ING5: variants seen among roughly 807,000 people sequenced by gnomAD.
The protein encoded by ING5 is inhibitor of growth protein 5.
ING5 carries 17 observed loss-of-function variants against 37.4 expected under a neutral mutation model. The observed-to-expected ratio is 0.45, with a 90% CI of 0.31 to 0.68. The LOEUF is 0.68. Ranked by LOEUF, ING5 falls within the 30% of genes least tolerant of loss-of-function variation. The pLI, the probability that ING5 is intolerant of heterozygous loss-of-function variation, is 0.05. For missense variants in ING5, 233 were observed against 311.9 expected, an observed-to-expected ratio of 0.75 and a Z score of 1.91; for synonymous variants, 123 against 116.6, an observed-to-expected ratio of 1.06 and a Z score of -0.36.
intron 7 of ING5, 50 bp from the exon 8 acceptor site, chr2:241,724,939 G>T (rs200911729): frequency 2.5e-6 from 4 of 1,595,038 alleles, no homozygotes; most frequent in East Asian, 2.2e-5. Context: ...GGCACCCTGC[G>T]CGCTGGCGGA....
rs1477352167 is a variant in ING5, at chr2:241,711,466, C to G, written c.366C>G (p.Ser122Arg). The change falls in exon 4 of 8, where the codon AGC becomes AGG. Residue 122 changes from serine to arginine, a missense_variant. This residue lies in a region of ING5 where 76 missense variants were observed against 68.2 expected (regional missense o/e 1.11). Coordinates refer to ENST00000313552, the MANE Select transcript of ING5 (RefSeq NM_032329.6). ...AGATGGAGGGCAGTGATTTTGAAAG[C>G]TCCGGAGGGCGAGGGTTAAAAAGCA... Reference protein sequence around the residue: ...KDKMEGSDFESSGGRGLKKGR... With the variant: ...KDKMEGSDFERSGGRGLKKGR... 3 of 1,605,770 alleles carry G rather than the reference C, an allele frequency of 1.9e-6. No homozygotes were observed. Among genetic ancestry groups the G allele is most frequent in the Non-Finnish European group, 2.5e-6 (3 of 1,176,944 alleles).
chr2:241,701,120 A>ATTTT (rs529886209), upstream of ING5, among the ~76,000 whole-genome samples: 724 of 136,474 alleles, frequency 5.3e-3, 5 homozygotes, highest in African/African-American at 0.018. Context: ...CGCTTGGCTA[A>ATTTT]TTTTTTTTTT....
chr2:241,720,455 A>G, intron 5 of ING5: 1 of 1,044,168 alleles, frequency 9.6e-7, no homozygotes, highest in Non-Finnish European at 1.2e-6. Context: ...GACTGCACAG[A>G]TGCTCCGTGT....
intron 2 of ING5, chr2:241,708,938 G>A (rs2124903814): frequency 3.4e-6 from 1 of 294,136 alleles, no homozygotes; most frequent in Admixed American, 5.1e-5. Flanking sequence ...CATACAGGAT[G>A]TTTGAGAGTC....
At chr2:241,724,391 G>A (rs1388768686) in intron 7 of ING5, among the ~76,000 whole-genome samples, 1 of 152,256 alleles carries the variant, frequency 6.6e-6, no homozygotes, top group African/African-American at 2.4e-5. Context: ...GAGGGCCCTG[G>A]GCAGGCTTGG....
chr2:241,718,906 T>C (rs879334999), intron 5 of ING5, among the ~76,000 whole-genome samples: 3 of 152,202 alleles, frequency 2.0e-5, no homozygotes, highest in Non-Finnish European at 4.4e-5. Flanking sequence ...ATCAGTCCTA[T>C]TTCCCTGCTG....
At chr2:241,697,807 G>A (rs2069652627), upstream of ING5, among the ~76,000 whole-genome samples, 2 of 152,150 alleles carry the variant, frequency 1.3e-5, no homozygotes, top group South Asian at 2.1e-4. Context: ...AAGGCACTGG[G>A]CGTGGTGGCT....
intron 1 of ING5, among the ~76,000 whole-genome samples, chr2:241,704,056 G>T (rs7602470): frequency 6.6e-6 from 1 of 152,120 alleles, no homozygotes; most frequent in Admixed American, 6.6e-5. Context: ...CTCACTGAGG[G>T]GGGGCAGCCT....
At chr2:241,700,923 G>A (rs544591988), upstream of ING5, among the ~76,000 whole-genome samples, 68 of 147,408 alleles carry the variant, frequency 4.6e-4, no homozygotes, top group African/African-American at 1.6e-3. Context: ...ACCGTGCCGA[G>A]TCTGAAACAT....
At chr2:241,706,674 AT>A (rs1244344744) in intron 2 of ING5, among the ~76,000 whole-genome samples, 1 of 151,592 alleles carries the variant, frequency 6.6e-6, no homozygotes, top group Non-Finnish European at 1.5e-5. Flanking sequence ...TTCTTGTAAC[AT>A]TGCATGTCTG....
At position 241,725,777 on chromosome 2, in the gene ING5, G is replaced by A. The variant is rs1366807970; in HGVS notation, c.*746G>A. ...ATGCTCCGTTTCTCTGGGAATTGGT[G>A]ATTTTTTACTGTGAAGATGAAATTA... On this transcript the variant is annotated 3_prime_UTR_variant, in exon 8 of 8. Transcript: ENST00000313552. 1 of 152,636 alleles carries A rather than the reference G, an allele frequency of 6.6e-6. No homozygotes were observed. The highest frequency in any genetic ancestry group is 1.5e-5 in the Non-Finnish European group (1 of 68,052). 9.5% of individuals were successfully genotyped at this position (152,636 alleles called of 1,614,324 possible).
chr2:241,709,295 G>A lies in ING5; in HGVS notation c.189G>A (p.Glu63=). ...VKTLSPDQRV[E]RLQKIQNAYS... ...CGCTGTCTCCAGACCAGCGCGTGGAGCGCCTGCAGAAGATCCAGAACGCCT... is the reference window on the plus strand; with the variant it reads ...CGCTGTCTCCAGACCAGCGCGTGGAACGCCTGCAGAAGATCCAGAACGCCT... Residue 63 remains glutamate (E), a synonymous_variant, in exon 3 of 8, where the codon GAG becomes GAA. Coordinates refer to ENST00000313552, the MANE Select transcript of ING5 (RefSeq NM_032329.6). 6.2e-7 allele frequency: 1 copy of A among 1,614,138 alleles called. No homozygotes were observed. Among genetic ancestry groups the A allele is most frequent in the Non-Finnish European group, 8.5e-7 (1 of 1,180,010 alleles).
chr2:241,691,663 C>T (rs776019834), intron 2 of ING5, among the ~76,000 whole-genome samples: 1 of 152,134 alleles, frequency 6.6e-6, no homozygotes, highest in Admixed American at 6.6e-5. Context: ...CTGCCTGGTA[C>T]GGGCTGTCTT....
intron 2 of ING5, among the ~76,000 whole-genome samples, chr2:241,692,185 C>T (rs977006466): frequency 3.3e-5 from 5 of 152,204 alleles, no homozygotes; most frequent in Admixed American, 1.3e-4. Flanking sequence ...TCTGAGCTGG[C>T]GCCTCGTGCC....
At position 241,709,290 on chromosome 2, in the gene ING5, G is replaced by A. The variant is rs778176408; in HGVS notation, c.184G>A (p.Val62Met). 2.5e-5 allele frequency: 41 copies of A among 1,614,004 alleles called. No homozygotes were observed. The highest frequency in any genetic ancestry group is 3.4e-5 in the Non-Finnish European group (40 of 1,180,006). ...GAAGACGCTGTCTCCAGACCAGCGC[G>A]TGGAGCGCCTGCAGAAGATCCAGAA... Reference protein sequence around the residue: ...TVKTLSPDQRVERLQKIQNAY... With the variant: ...TVKTLSPDQRMERLQKIQNAY... Residue 62 changes from valine to methionine, a missense_variant, in exon 3 of 8, where the codon GTG (valine) becomes ATG (methionine). Around this residue, in one of 4 missense-constraint regions of ING5, gnomAD observed 93 missense variants for 99.7 expected, o/e 0.93. Transcript: ENST00000313552.
intron 5 of ING5, among the ~76,000 whole-genome samples, chr2:241,715,674 A>G (rs2070245317): frequency 6.6e-6 from 1 of 151,502 alleles, no homozygotes; most frequent in Non-Finnish European, 1.5e-5. Flanking sequence ...TTTAGTAGAG[A>G]CAGGGTTTCA....
At chr2:241,699,737 C>T (rs865943120), upstream of ING5, among the ~76,000 whole-genome samples, 1 of 151,938 alleles carries the variant, frequency 6.6e-6, no homozygotes, top group Non-Finnish European at 1.5e-5. Context: ...GTCATCAGTT[C>T]TTGGGGCTCG....
intron 5 of ING5, 40 bp downstream of exon 5, chr2:241,712,111 C>A: frequency 6.9e-7 from 1 of 1,453,556 alleles, no homozygotes; most frequent in Non-Finnish European, 9.4e-7. Flanking sequence ...AGAACGAATA[C>A]CCATAGCCTG....
chr2:241,704,474 G>A (rs1447106414), intron 1 of ING5, among the ~76,000 whole-genome samples, 179 bp from the exon 2 acceptor site: 1 of 152,100 alleles, frequency 6.6e-6, no homozygotes, highest in Non-Finnish European at 1.5e-5. Context: ...AGGCGGAGGC[G>A]TGAGAATCAC....
Sources: allele counts gnomAD v4.1 joint callset (sites outside exome capture counted in the v4.1 genomes callset), GRCh38; gene constraint gnomAD v4.1.1; regional missense constraint gnomAD v4.1.1; transcripts MANE v1.5; gene names NCBI Gene and HGNC (gene_info 2026-07-23, HGNC 2026-07-21).